The following RAB11FIP2 variants were observed in gnomAD, a reference collection of about 807,000 sequenced individuals.
The protein encoded by RAB11FIP2 is RAB11 family interacting protein 2.
Under a neutral mutation model 40.9 loss-of-function variants are expected in RAB11FIP2, and 16 were observed. That is an observed-to-expected ratio of 0.39 (90% confidence interval 0.26 to 0.59). The LOEUF (loss-of-function observed/expected upper bound fraction) is 0.59, where lower values mean the gene tolerates loss of function less well. RAB11FIP2 is among the 20% of genes least tolerant of loss of function. The probability of loss-of-function intolerance (pLI) is 0.53; values close to 1 mark genes in which losing one functional copy is unlikely to be tolerated. For missense variants in RAB11FIP2, 532 were observed against 606.2 expected, an observed-to-expected ratio of 0.88 and a Z score of 1.28; for synonymous variants, 228 against 213.7, an observed-to-expected ratio of 1.07 and a Z score of -0.58.
chr10:118,019,358 G>A (rs1439334256), intron 3 of RAB11FIP2, among the ~76,000 whole-genome samples: 1 of 152,150 alleles, frequency 6.6e-6, no homozygotes, highest in African/African-American at 2.4e-5. Context: ...CTGGCAGGAG[G>A]GAAGAGGAGG....
chr10:118,024,998 C>G (rs1589642561), intron 3 of RAB11FIP2, among the ~76,000 whole-genome samples: 1 of 152,144 alleles, frequency 6.6e-6, no homozygotes, highest in Non-Finnish European at 1.5e-5. Flanking sequence ...TTGGGTGATG[C>G]AAGCCACAGG....
At position 118,006,686 on chromosome 10, in the gene RAB11FIP2, A is replaced by G. The variant is rs2133157579; in HGVS notation, c.*2312T>C. ...ATATGCAATAAGTTTACTCTAGGTA[A>G]TGAGTGAAAATTCACAAACATTAGA... On this transcript the variant is annotated 3_prime_UTR_variant, in exon 5 of 5. Coordinates refer to ENST00000355624, the MANE Select transcript of RAB11FIP2 (RefSeq NM_014904.3). 6.6e-6 allele frequency: 1 copy of G among 152,206 alleles called. No homozygotes were observed. The highest frequency in any genetic ancestry group is 2.1e-4 in the South Asian group (1 of 4,822). The allele number at this position is 152,206 out of a possible 1,614,324, so 9.4% of individuals were successfully genotyped here. A position where few individuals can be genotyped will look rare whatever the true frequency, so the allele number is the denominator to read the frequency against.
In RAB11FIP2 at chr10:118,015,062, T is replaced by C. The variant is rs755805676; in HGVS notation, c.1311+3A>G. ...CAACCCTCTAACCCCTTCAGCAACT[T>C]ACCGGGATTTTCCTGAGGTCTTCAT... On this transcript the variant is annotated splice_donor_region_variant and intron_variant, in intron 4 of 4. Transcript: ENST00000355624. The C allele has an allele frequency of 2.1e-5, 33 of 1,606,086 alleles. No homozygotes were observed. Among genetic ancestry groups the C allele is most frequent in the South Asian group, 6.7e-5 (6 of 89,800 alleles).
chr10:118,040,264 G>A lies in RAB11FIP2; in HGVS notation c.655C>T (p.Pro219Ser). ...SKPKKPFLLG[P>S]QRLSSAHSMS... ...GAATGCGCTGACGAGAGTCGCTGAG[G>A]ACCCAAGAGAAAAGGCTTTTTTGGT... is the stretch of plus-strand genomic sequence containing the variant. The change falls in exon 2 of 5, where the codon CCT becomes TCT. Residue 219 changes from proline to serine, a missense_variant. Transcript: ENST00000355624. The A allele has an allele frequency of 2.5e-6, 4 of 1,613,816 alleles. No homozygotes were observed. The highest frequency in any genetic ancestry group is 3.4e-6 in the Non-Finnish European group (4 of 1,179,798).
chr10:118,040,653 A>G (rs1200734794), intron 1 of RAB11FIP2, 88 bp from the exon 2 acceptor site: 19 of 961,682 alleles, frequency 2.0e-5, no homozygotes, highest in Non-Finnish European at 2.7e-5. Context: ...TTTTAGGTAA[A>G]GTAACTATAC....
At chr10:118,019,842 A>G (rs1033551661) in intron 3 of RAB11FIP2, among the ~76,000 whole-genome samples, 8 of 151,676 alleles carry the variant, frequency 5.3e-5, no homozygotes, top group East Asian at 1.9e-4. Flanking sequence ...AAAAAAAAAA[A>G]AGAGACTTGG....
In RAB11FIP2 at chr10:118,006,510, C is replaced by A. The variant is rs993906569; in HGVS notation, c.*2488G>T. 1.3e-5 allele frequency: 2 copies of A among 152,076 alleles called. No homozygotes were observed. The highest frequency in any genetic ancestry group is 2.9e-5 in the Non-Finnish European group (2 of 67,958). 9.4% of individuals were successfully genotyped at this position (152,076 alleles called of 1,614,324 possible). ...TAAAGTTATGTTTTGGAAAAATAAA[C>A]TAAGGTGACCTTTTTGGCCTCTTTT... On this transcript the variant is annotated 3_prime_UTR_variant, in exon 5 of 5. Transcript: ENST00000355624.
rs148447574 is a variant in RAB11FIP2 at position 118,022,304 on chromosome 10, C to T, written c.1266-7194G>A. Reference sequence around the variant, plus strand: ...GCTGACACTACTGCAACAGCCTCTTCACAGTCTCTGCCCATCCCTCCTTGT... The same window carrying T: ...GCTGACACTACTGCAACAGCCTCTTTACAGTCTCTGCCCATCCCTCCTTGT... On this transcript the variant is annotated intron_variant, in intron 3 of 4. Coordinates refer to ENST00000355624, the MANE Select transcript of RAB11FIP2 (RefSeq NM_014904.3). Among the ~76,000 whole-genome samples, 1,427 of 152,198 alleles carry T rather than the reference C, an allele frequency of 9.4e-3. 8 individuals are homozygous for T. Among genetic ancestry groups the T allele is most frequent in the Middle Eastern group, 0.017 (5 of 292 alleles).
chr10:118,029,606 A>G (rs192910186), intron 3 of RAB11FIP2, among the ~76,000 whole-genome samples: 5 of 152,318 alleles, frequency 3.3e-5, no homozygotes, highest in African/African-American at 2.4e-5. Context: ...TACAGCAAAT[A>G]TTCCAAAAAT....
intron 3 of RAB11FIP2, among the ~76,000 whole-genome samples, chr10:118,027,495 C>T (rs1337342538): frequency 6.6e-6 from 1 of 152,144 alleles, no homozygotes; most frequent in African/African-American, 2.4e-5. Context: ...CTCTATGAAA[C>T]AAATGCATTG....
chr10:118,040,225 A>T lies in RAB11FIP2; in HGVS notation c.694T>A (p.Ser232Thr), dbSNP rs1846537464. ...TTCTCAGAAGACATATGGGACCCAG[A>T]TAAATCAGACATTGAATGCGCTGAC... ...LSSAHSMSDLSGSHMSSEKLK... is the reference protein window; with the variant it reads ...LSSAHSMSDLTGSHMSSEKLK... Residue 232 changes from serine (S) to threonine (T), a missense_variant, in exon 2 of 5, where the codon TCT becomes ACT. Ser to Thr is a moderately conservative substitution (Grantham distance 58, BLOSUM62 1). Transcript: ENST00000355624. 1 of 1,613,844 alleles carries T rather than the reference A, an allele frequency of 6.2e-7. No homozygotes were observed. The highest frequency in any genetic ancestry group is 8.5e-7 in the Non-Finnish European group (1 of 1,179,790).
chr10:118,039,993 T>C, intron 2 of RAB11FIP2, 130 bp downstream of exon 2: 1 of 816,072 alleles, frequency 1.2e-6, no homozygotes, highest in Admixed American at 2.9e-5. Context: ...GTACTCAATA[T>C]TTGATGAATG....
chr10:118,034,798 T>C (rs573452399), intron 3 of RAB11FIP2, among the ~76,000 whole-genome samples: 1 of 152,282 alleles, frequency 6.6e-6, no homozygotes, highest in African/African-American at 2.4e-5. Flanking sequence ...ACTCCAACAC[T>C]ACTTACTGTA....
intron 2 of RAB11FIP2, 106 bp downstream of exon 2, chr10:118,040,017 A>G: frequency 8.6e-7 from 1 of 1,164,878 alleles, no homozygotes; most frequent in Non-Finnish European, 1.2e-6. Flanking sequence ...AAATTTGGAA[A>G]ATACTACAAA....
Position 118,046,225 on chromosome 10 carries a change from G to A in RAB11FIP2, c.-62C>T, listed in dbSNP as rs916564014. ...AGGCAGTGCCCCTCCCGGAGGGAGA[G>A]CCTAATTCCTTAATCACTGCATCCT... On this transcript the variant is annotated 5_prime_UTR_variant, in exon 1 of 5. Transcript: ENST00000355624. 9 of 1,395,274 alleles carry A rather than the reference G, an allele frequency of 6.5e-6. No homozygotes were observed. The highest frequency in any genetic ancestry group is 9.0e-6 in the Non-Finnish European group (9 of 1,000,930). The allele number at this position is 1,395,274 out of a possible 1,614,324, so 86.4% of individuals were successfully genotyped here. A position where few individuals can be genotyped will look rare whatever the true frequency, so the allele number is the denominator to read the frequency against.
intron 3 of RAB11FIP2, among the ~76,000 whole-genome samples, chr10:118,027,052 A>G (rs1846351602): frequency 6.6e-6 from 1 of 152,216 alleles, no homozygotes; most frequent in Non-Finnish European, 1.5e-5. Context: ...AATTTATTTA[A>G]AGCAATTGTT....
At chr10:118,009,345 C>CTTAA (rs1846130811) in intron 4 of RAB11FIP2, 120 bp from the exon 5 acceptor site, 8 of 926,082 alleles carry the variant, frequency 8.6e-6, no homozygotes, top group Non-Finnish European at 1.3e-5. Flanking sequence ...GCTAGCCTTG[C>CTTAA]TTAAAGTGAA....
At chr10:118,035,158 A>AGACT (rs1846465661) in intron 3 of RAB11FIP2, among the ~76,000 whole-genome samples, 1 of 152,134 alleles carries the variant, frequency 6.6e-6, no homozygotes, top group African/African-American at 2.4e-5. Flanking sequence ...GCTTCCTGAG[A>AGACT]GACTGTGCAG....
intron 3 of RAB11FIP2, among the ~76,000 whole-genome samples, chr10:118,034,356 TA>T (rs56136005): frequency 3.6e-4 from 53 of 145,608 alleles, no homozygotes; most frequent in African/African-American, 6.4e-4. Flanking sequence ...ATGTCCTAGT[TA>T]AAAAAAAAAA....
Sources: allele counts gnomAD v4.1 joint callset (sites outside exome capture counted in the v4.1 genomes callset), GRCh38; gene constraint gnomAD v4.1.1; transcripts MANE v1.5; gene names NCBI Gene and HGNC (gene_info 2026-07-23, HGNC 2026-07-21).